MCTP1: variants seen among roughly 807,000 people sequenced by gnomAD.
The protein encoded by MCTP1 is multiple C2 and transmembrane domain-containing protein 1.
In MCTP1, 69 loss-of-function variants were observed where a neutral mutation model predicts 120.6. The observed-to-expected ratio is 0.57, with a 90% CI of 0.47 to 0.70. The LOEUF (loss-of-function observed/expected upper bound fraction) is 0.70, where lower values mean the gene tolerates loss of function less well. MCTP1 is among the 30% of genes least tolerant of loss of function. The pLI, the probability that MCTP1 is intolerant of heterozygous loss-of-function variation, is 0.00. For synonymous variants in MCTP1, 529 were observed against 493.1 expected, an observed-to-expected ratio of 1.07 and a Z score of -0.96; for missense variants, 1,203 against 1,248.8, an observed-to-expected ratio of 0.96 and a Z score of 0.55.
chr5:94,884,779 T>G (rs1352954910), intron 12 of MCTP1, among the ~76,000 whole-genome samples: 4 of 152,204 alleles, frequency 2.6e-5, no homozygotes, highest in Non-Finnish European at 4.4e-5. Context: ...TGTTATTTCT[T>G]AAGATAATAA....
chr5:94,732,473 C>G (rs72773592), intron 19 of MCTP1, among the ~76,000 whole-genome samples: 22,154 of 152,022 alleles, frequency 0.15, 1,815 homozygotes, highest in East Asian at 0.32. Context: ...CTTCTTAGCA[C>G]TTTATTTGCT....
At chr5:95,182,884 G>A (rs1257662254) in intron 1 of MCTP1, among the ~76,000 whole-genome samples, 2 of 152,010 alleles carry the variant, frequency 1.3e-5, no homozygotes, top group Non-Finnish European at 2.9e-5. Context: ...AAATTAGCCG[G>A]ACATGGTGGC....
At chr5:95,086,885 TAAA>T in intron 1 of MCTP1, among the ~76,000 whole-genome samples, 1 of 152,258 alleles carries the variant, frequency 6.6e-6, no homozygotes, top group South Asian at 2.1e-4. Context: ...AAAGTTAAAA[TAAA>T]CTCTTGTTCC....
At chr5:94,909,411 G>C in intron 9 of MCTP1, 30 bp from the exon 10 acceptor site, 2 of 1,558,082 alleles carry the variant, frequency 1.3e-6, no homozygotes, top group Non-Finnish European at 1.7e-6. Context: ...TTGTCATATT[G>C]CTAGCAGCTT....
intron 2 of MCTP1, among the ~76,000 whole-genome samples, chr5:95,009,588 T>G (rs1835506076): frequency 6.6e-6 from 1 of 151,226 alleles, no homozygotes; most frequent in South Asian, 2.1e-4. Flanking sequence ...TGAATATATA[T>G]AAAAGATATA....
In MCTP1 at chr5:94,794,603, G is replaced by C. The variant is rs185754868; in HGVS notation, c.2556+4410C>G. 1.9e-4 allele frequency among the ~76,000 whole-genome samples: 29 copies of C among 152,254 alleles called. 2 individuals carry two copies. The highest frequency in any genetic ancestry group is 6.7e-4 in the African/African-American group (28 of 41,542). On this transcript the variant is annotated intron_variant, in intron 18 of 22. Transcript: ENST00000515393. ...TTGGGTTCACATCACACTTGCTCTGGGGAGTTGCTTACTTATCCTCCTTGA... is the reference window on the plus strand; with the variant it reads ...TTGGGTTCACATCACACTTGCTCTGCGGAGTTGCTTACTTATCCTCCTTGA...
At chr5:94,749,445 A>T (rs1483497418) in intron 19 of MCTP1, among the ~76,000 whole-genome samples, 1 of 152,156 alleles carries the variant, frequency 6.6e-6, no homozygotes, top group Non-Finnish European at 1.5e-5. Flanking sequence ...ACCTGAGGTC[A>T]GTAGTTCAAA....
chr5:95,166,987 T>C (rs1054090714), intron 1 of MCTP1, among the ~76,000 whole-genome samples: 3 of 151,790 alleles, frequency 2.0e-5, no homozygotes, highest in Admixed American at 1.3e-4. Flanking sequence ...TACATATGTA[T>C]ACATGTGCCA....
intron 1 of MCTP1, among the ~76,000 whole-genome samples, chr5:95,274,766 G>A (rs1759687019): frequency 6.6e-6 from 1 of 152,056 alleles, no homozygotes; most frequent in South Asian, 2.1e-4. Context: ...TGGGACTACA[G>A]GCGCCCACCA....
rs56354602 is a variant in MCTP1 at position 95,120,176 on chromosome 5, CAAAA to C, written c.721-102696_721-102693del. Among the ~76,000 whole-genome samples the C allele has an allele frequency of 3.4e-5, 4 of 118,214 alleles. No individual in the cohort carries two copies. The East Asian group carries it at 7.8e-4, about 23-fold the overall frequency. 77.6% of individuals were successfully genotyped at this position (118,214 alleles called of 152,430 possible). A position where few individuals can be genotyped will look rare whatever the true frequency, so the allele number is the denominator to read the frequency against. On this transcript the variant is annotated intron_variant, in intron 1 of 22. Coordinates refer to ENST00000515393, the MANE Select transcript of MCTP1 (RefSeq NM_024717.7). ...TGGGCGACAGAGCAAGACTCCATCT[CAAAA>C]AAAAAAAAAAAAAGTCTCCCAGCTA...
intron 1 of MCTP1, among the ~76,000 whole-genome samples, chr5:95,175,391 G>C (rs1377522805): frequency 2.0e-5 from 3 of 152,166 alleles, no homozygotes; most frequent in African/African-American, 7.2e-5. Context: ...CCTGGACTCA[G>C]TTTGGTTTTC....
chr5:94,729,497 G>T (rs1762735142), intron 19 of MCTP1, among the ~76,000 whole-genome samples: 1 of 152,162 alleles, frequency 6.6e-6, no homozygotes, highest in African/African-American at 2.4e-5. Flanking sequence ...TGAGAGAAGA[G>T]AATTGTCCTG....
At chr5:95,258,583 A>G (rs573310133) in intron 1 of MCTP1, among the ~76,000 whole-genome samples, 1 of 152,314 alleles carries the variant, frequency 6.6e-6, no homozygotes, top group East Asian at 1.9e-4. Flanking sequence ...TAATGAATCC[A>G]TGTTGGTTCG....
intron 2 of MCTP1, among the ~76,000 whole-genome samples, chr5:94,985,953 T>C (rs1352085962): frequency 1.3e-5 from 2 of 152,224 alleles, no homozygotes; most frequent in African/African-American, 4.8e-5. Flanking sequence ...CTTTTCTTAC[T>C]TTTAAAATTA....
intron 1 of MCTP1, among the ~76,000 whole-genome samples, chr5:95,099,943 A>G (rs1270514806): frequency 6.6e-6 from 1 of 152,086 alleles, no homozygotes; most frequent in Non-Finnish European, 1.5e-5. Context: ...CCATGCAGTC[A>G]TAAAAAATGA....
chr5:95,188,258 T>G (rs1231688535), intron 1 of MCTP1, among the ~76,000 whole-genome samples: 1 of 152,190 alleles, frequency 6.6e-6, no homozygotes, highest in African/African-American at 2.4e-5. Context: ...AGTGACAACA[T>G]CAAATGCTGA....
chr5:95,187,319 G>A (rs1249753853), intron 1 of MCTP1, among the ~76,000 whole-genome samples: 3 of 152,182 alleles, frequency 2.0e-5, no homozygotes, highest in Non-Finnish European at 4.4e-5. Flanking sequence ...TGGAAAAGGA[G>A]ATCATTATGT....
chr5:95,094,473 G>A (rs1371942025), intron 1 of MCTP1, among the ~76,000 whole-genome samples: 1 of 152,170 alleles, frequency 6.6e-6, no homozygotes, highest in African/African-American at 2.4e-5. Flanking sequence ...TAAATTCTGT[G>A]AAAATGAATA....
intron 17 of MCTP1, among the ~76,000 whole-genome samples, chr5:94,844,301 C>CAAA (rs59169145): frequency 1.3e-4 from 10 of 79,706 alleles, no homozygotes; most frequent in East Asian, 3.2e-4. Flanking sequence ...GACTCTGTCT[C>CAAA]AAAAAAAAAA....
Sources: gnomAD v4.1 joint callset for allele counts (sites outside exome capture counted in the v4.1 genomes callset) on GRCh38, gnomAD v4.1.1 for gene constraint, MANE v1.5 for transcripts, NCBI Gene and HGNC (gene_info 2026-07-23, HGNC 2026-07-21) for gene names.